Variants in ELAVL4 observed in about 807,000 individuals in gnomAD.
ELAVL4 encodes ELAV like RNA binding protein 4, also known as ELAV-like protein 4.
ELAVL4 carries 1 observed loss-of-function variant against 35.6 expected under a neutral mutation model. The observed-to-expected ratio is 0.03, with a 90% CI of 0.01 to 0.13. The LOEUF is 0.13. Among genes scored for constraint, ELAVL4 ranks in the 10% least tolerant of loss-of-function variants. The pLI, the probability that ELAVL4 is intolerant of heterozygous loss-of-function variation, is 1.00. For synonymous variants in ELAVL4, 156 were observed against 171.0 expected (o/e 0.91, Z 0.69); for missense variants, 267 against 464.9 (o/e 0.57, Z 3.91).
intron 1 of ELAVL4, among the ~76,000 whole-genome samples, chr1:50,064,851 G>A (rs922213850): frequency 3.9e-5 from 6 of 152,048 alleles, no homozygotes; most frequent in African/African-American, 1.4e-4. Context: ...TGTTCCTTTA[G>A]CCTTTTGTAT....
chr1:50,127,794 C>T (rs190228959), intron 1 of ELAVL4, among the ~76,000 whole-genome samples: 1 of 152,062 alleles, frequency 6.6e-6, no homozygotes, highest in Non-Finnish European at 1.5e-5. Context: ...GGAATTTAAA[C>T]CTGGGCAGTC....
chr1:50,196,760 C>T (rs1005862224), intron 5 of ELAVL4, among the ~76,000 whole-genome samples: 2 of 152,150 alleles, frequency 1.3e-5, no homozygotes, highest in African/African-American at 4.8e-5. Flanking sequence ...ATGTAAAAAG[C>T]CTCTCCAGCA....
chr1:50,103,772 G>T (rs544011563), upstream of ELAVL4: 1 of 688,834 alleles, frequency 1.5e-6, no homozygotes, highest in South Asian at 1.8e-5. Context: ...GTGGATATGT[G>T]AGTGTCTGTT....
intron 4 of ELAVL4, among the ~76,000 whole-genome samples, chr1:50,194,665 T>A (rs1179904394): frequency 6.6e-6 from 1 of 152,206 alleles, no homozygotes; most frequent in Admixed American, 6.5e-5. Flanking sequence ...AAGCAGGCAC[T>A]GCCCCACCCT....
intron 2 of ELAVL4, among the ~76,000 whole-genome samples, chr1:50,172,408 A>C (rs1277422917): frequency 1.3e-5 from 2 of 152,218 alleles, no homozygotes; most frequent in African/African-American, 4.8e-5. Context: ...TTGTTATTAT[A>C]ATAACATTTT....
At chr1:50,051,574 T>A (rs1458043122) in intron 1 of ELAVL4, among the ~76,000 whole-genome samples, 1 of 152,214 alleles carries the variant, frequency 6.6e-6, no homozygotes, top group Non-Finnish European at 1.5e-5. Flanking sequence ...AACATTTCCA[T>A]CTGATAGGAT....
At chr1:50,103,858 G>T (rs1231122790), upstream of ELAVL4, 1 of 1,557,382 alleles carries the variant, frequency 6.4e-7, no homozygotes, top group Non-Finnish European at 8.7e-7. Flanking sequence ...CGGAACAGGA[G>T]GAAAAGGTCT....
In ELAVL4 at chr1:50,177,141, G is replaced by A. The variant is rs1348540557; in HGVS notation, c.303G>A (p.Glu101=). The A allele has an allele frequency of 2.5e-6, 4 of 1,614,006 alleles. No homozygotes were observed. In the South Asian group the frequency reaches 4.4e-5, roughly 18 times the overall value. ...ACTATATTGATCCAAAGGATGCAGA[G>A]AAAGCCATCAACACTTTAAATGGAC... The part of the protein sequence containing the change: ...FVNYIDPKDA[E]KAINTLNGLR... Residue 101 remains glutamate, a synonymous_variant, in exon 3 of 7, where the codon GAG becomes GAA. Transcript: ENST00000371824.
chr1:50,091,141 G>A (rs575344542), intron 1 of ELAVL4, among the ~76,000 whole-genome samples: 1 of 152,320 alleles, frequency 6.6e-6, no homozygotes, highest in South Asian at 2.1e-4. Flanking sequence ...CTTAAACTGA[G>A]TTCTTGGAGT....
intron 2 of ELAVL4, among the ~76,000 whole-genome samples, chr1:50,156,067 T>C (rs148181040): frequency 6.6e-6 from 1 of 151,936 alleles, no homozygotes; most frequent in Non-Finnish European, 1.5e-5. Flanking sequence ...CAAACACTTT[T>C]CTGGCAGGCA....
At chr1:50,172,974 C>A (rs922443704) in intron 2 of ELAVL4, among the ~76,000 whole-genome samples, 1 of 152,046 alleles carries the variant, frequency 6.6e-6, no homozygotes, top group Non-Finnish European at 1.5e-5. Context: ...ATTGTTGTGT[C>A]CTCTCTTTCT....
chr1:50,072,949 G>A (rs1297377130), intron 1 of ELAVL4, among the ~76,000 whole-genome samples: 2 of 152,186 alleles, frequency 1.3e-5, no homozygotes, highest in Non-Finnish European at 2.9e-5. Context: ...AACTCTTTGG[G>A]AGGAGAGACA....
At chr1:50,147,208 T>A (rs1673878745) in intron 2 of ELAVL4, among the ~76,000 whole-genome samples, 1 of 152,158 alleles carries the variant, frequency 6.6e-6, no homozygotes, top group Non-Finnish European at 1.5e-5. Context: ...AAAAAATTTT[T>A]ATTTGTAGAG....
At chr1:50,189,372 C>G (rs1025881510) in intron 3 of ELAVL4, among the ~76,000 whole-genome samples, 1 of 152,226 alleles carries the variant, frequency 6.6e-6, no homozygotes, top group Non-Finnish European at 1.5e-5. Context: ...GATGCCCCAT[C>G]TGTGATGAAT....
At chr1:50,195,926 G>A (rs1644029736) in intron 5 of ELAVL4, 140 bp downstream of exon 5, 3 of 956,886 alleles carry the variant, frequency 3.1e-6, no homozygotes, top group South Asian at 1.7e-5. Context: ...CTCCCCCCGA[G>A]CCTCAGTTTC....
chr1:50,104,040 A>G (rs2148516234), upstream of ELAVL4: 1 of 1,611,606 alleles, frequency 6.2e-7, no homozygotes, highest in Non-Finnish European at 8.5e-7. Context: ...GGCAGATGGT[A>G]GACCGTCAAT....
chr1:50,076,664 G>T (rs1232835932), intron 1 of ELAVL4, among the ~76,000 whole-genome samples: 1 of 152,084 alleles, frequency 6.6e-6, no homozygotes, highest in Non-Finnish European at 1.5e-5. Flanking sequence ...AGATAGACCT[G>T]GGCCTGGGAA....
intron 1 of ELAVL4, among the ~76,000 whole-genome samples, chr1:50,085,721 T>C (rs1028156865): frequency 1.3e-5 from 2 of 152,220 alleles, no homozygotes; most frequent in Non-Finnish European, 2.9e-5. Context: ...TTTATTCAGA[T>C]ATCTAATTAG....
chr1:50,188,338 A>T (rs1023858130), intron 3 of ELAVL4, among the ~76,000 whole-genome samples: 1 of 152,122 alleles, frequency 6.6e-6, no homozygotes, highest in African/African-American at 2.4e-5. Flanking sequence ...ACTTACTATG[A>T]ACCACAGTTA....
Sources: allele counts gnomAD v4.1 joint callset (sites outside exome capture counted in the v4.1 genomes callset), GRCh38; gene constraint gnomAD v4.1.1; transcripts MANE v1.5; gene names NCBI Gene and HGNC (gene_info 2026-07-23, HGNC 2026-07-21).